Variants in AGBL1 observed in about 807,000 individuals in gnomAD.
AGBL1 encodes AGBL carboxypeptidase 1.
AGBL1 carries 130 observed loss-of-function variants against 118.9 expected under a neutral mutation model. The observed-to-expected ratio is 1.09, with a 90% CI of 0.95 to 1.26. The LOEUF (loss-of-function observed/expected upper bound fraction) is 1.26. Among genes scored for constraint, AGBL1 ranks in the 50% most tolerant of loss-of-function variants. The pLI, the probability that AGBL1 is intolerant of heterozygous loss-of-function variation, is 0.00. For missense variants in AGBL1, 1,584 were observed against 1,298.1 expected (o/e 1.22, Z -3.38); for synonymous variants, 555 against 478.9 (o/e 1.16, Z -2.08).
intron 18 of AGBL1, among the ~76,000 whole-genome samples, chr15:86,468,124 AC>A (rs1457654995): frequency 7.9e-5 from 12 of 152,100 alleles, no homozygotes; most frequent in African/African-American, 2.9e-4. Context: ...CAGATAGGGA[AC>A]TTCCTACCTG....
At chr15:86,323,574 A>G (rs891244435) in intron 17 of AGBL1, among the ~76,000 whole-genome samples, 1 of 152,214 alleles carries the variant, frequency 6.6e-6, no homozygotes, top group Non-Finnish European at 1.5e-5. Flanking sequence ...GACTAGAGAC[A>G]AGGGCATTGA....
chr15:86,170,942 A>C (rs1567102159), intron 5 of AGBL1, among the ~76,000 whole-genome samples: 1 of 152,272 alleles, frequency 6.6e-6, no homozygotes, highest in East Asian at 1.9e-4. Flanking sequence ...CATTATGTAC[A>C]CAGAAACAAA....
intron 24 of AGBL1, among the ~76,000 whole-genome samples, chr15:87,022,447 T>A (rs1476115528): frequency 1.3e-5 from 2 of 151,890 alleles, no homozygotes; most frequent in Non-Finnish European, 2.9e-5. Flanking sequence ...CTCCAAGAAG[T>A]CTGAGATTAT....
At chr15:86,660,072 G>A (rs192302955) in intron 21 of AGBL1, among the ~76,000 whole-genome samples, 26 of 151,770 alleles carry the variant, frequency 1.7e-4, no homozygotes, top group Non-Finnish European at 2.9e-4. Flanking sequence ...TATGAATTTA[G>A]CATATTCCCT....
chr15:86,415,055 G>T (rs1738276839), intron 18 of AGBL1, among the ~76,000 whole-genome samples: 2 of 152,294 alleles, frequency 1.3e-5, no homozygotes, highest in East Asian at 3.9e-4. Flanking sequence ...CAGTTGAATT[G>T]TGATGCATTT....
intron 21 of AGBL1, among the ~76,000 whole-genome samples, chr15:86,658,728 G>C (rs1468470611): frequency 1.3e-5 from 2 of 152,124 alleles, no homozygotes; most frequent in Non-Finnish European, 2.9e-5. Context: ...TCCTAGGCTG[G>C]TGGGTGTTTC....
chr15:86,957,593 A>G (rs1349941089), intron 23 of AGBL1, among the ~76,000 whole-genome samples: 1 of 152,120 alleles, frequency 6.6e-6, no homozygotes, highest in Non-Finnish European at 1.5e-5. Flanking sequence ...AATCAATTAC[A>G]TATAAAACAG....
At chr15:86,901,509 A>G (rs979144705) in intron 22 of AGBL1, among the ~76,000 whole-genome samples, 1 of 151,992 alleles carries the variant, frequency 6.6e-6, no homozygotes, top group Non-Finnish European at 1.5e-5. Flanking sequence ...TTTCTATTGC[A>G]CTATATTTTT....
At position 86,909,443 on chromosome 15, in the gene AGBL1, G is replaced by A. The variant is rs2080321422; in HGVS notation, c.*2149G>A. On this transcript the variant is annotated 3_prime_UTR_variant, in exon 23 of 23. Transcript: ENST00000614907. ...AAAACAGGATTAGCTCCAAGGCATA[G>A]AAGAAAGGCATCTGTGTTGTGATTT... The A allele has an allele frequency of 1.3e-5, 2 of 152,218 alleles. No homozygotes were observed. Among genetic ancestry groups the A allele is most frequent in the Non-Finnish European group, 2.9e-5 (2 of 68,036 alleles). The allele number at this position is 152,218 out of a possible 1,614,324, so 9.4% of individuals were successfully genotyped here.
intron 22 of AGBL1, among the ~76,000 whole-genome samples, chr15:86,824,913 T>C (rs7176636): frequency 0.014 from 2,070 of 151,962 alleles, 29 homozygotes; most frequent in Middle Eastern, 0.061. Context: ...CAAAAATAGC[T>C]GGGCGTGGTG....
At chr15:86,598,926 G>A (rs2084449743) in intron 21 of AGBL1, among the ~76,000 whole-genome samples, 1 of 152,076 alleles carries the variant, frequency 6.6e-6, no homozygotes, top group African/African-American at 2.4e-5. Flanking sequence ...GAAAGCAGTG[G>A]GCTACTGAAT....
chr15:86,193,826 C>A (rs2077758649), intron 5 of AGBL1, among the ~76,000 whole-genome samples: 2 of 152,184 alleles, frequency 1.3e-5, no homozygotes, highest in Admixed American at 1.3e-4. Context: ...TTTATTCTAA[C>A]CAACCTCTTG....
chr15:86,380,100 C>T (rs985372053), intron 17 of AGBL1, among the ~76,000 whole-genome samples: 5 of 151,754 alleles, frequency 3.3e-5, no homozygotes, highest in Non-Finnish European at 5.9e-5. Flanking sequence ...AATGACTTCC[C>T]GGGGACTTTT....
intron 18 of AGBL1, among the ~76,000 whole-genome samples, chr15:86,410,830 ATATATATATAT>A (rs1279137524): frequency 0.037 from 3,361 of 90,424 alleles, 290 homozygotes; most frequent in African/African-American, 0.084. Flanking sequence ...ATATATATAT[ATATATATATAT>A]AATATACTAT....
chr15:86,739,997 A>T (rs1032021569), intron 22 of AGBL1, among the ~76,000 whole-genome samples: 4 of 152,188 alleles, frequency 2.6e-5, no homozygotes, highest in Non-Finnish European at 4.4e-5. Flanking sequence ...AGCCTGATAC[A>T]TTTGCCTCCT....
chr15:86,559,615 C>T (rs545197904), intron 21 of AGBL1, among the ~76,000 whole-genome samples: 12 of 152,230 alleles, frequency 7.9e-5, no homozygotes, highest in African/African-American at 2.6e-4. Context: ...GTGCTAAGCC[C>T]TTTACATATC....
chr15:86,121,366 T>C (rs1290994464), intron 1 of AGBL1, among the ~76,000 whole-genome samples: 2 of 152,242 alleles, frequency 1.3e-5, no homozygotes, highest in Non-Finnish European at 1.5e-5. Flanking sequence ...TGGGTTATTT[T>C]TAAAATGAAT....
rs79330464 is a variant in AGBL1 at position 86,320,196 on chromosome 15, C to T, written c.2374+24788C>T. Among the ~76,000 whole-genome samples the T allele has an allele frequency of 2.8e-3, 432 of 152,016 alleles. 2 individuals carry two copies. The highest frequency in any genetic ancestry group is 0.01 in the African/African-American group (416 of 41,502). Reference sequence around the variant, plus strand: ...GATTTTATTGAAATGATATTCCTATCGGGAAAAAAGGACATTCCTATGATA... The same window carrying T: ...GATTTTATTGAAATGATATTCCTATTGGGAAAAAAGGACATTCCTATGATA... On this transcript the variant is annotated intron_variant, in intron 17 of 22. Coordinates refer to ENST00000614907, the MANE Select transcript of AGBL1 (RefSeq NM_001386094.1).
intron 5 of AGBL1, among the ~76,000 whole-genome samples, chr15:86,161,515 C>T (rs2077266931): frequency 6.6e-6 from 1 of 152,238 alleles, no homozygotes; most frequent in Non-Finnish European, 1.5e-5. Flanking sequence ...TAAGCCACCA[C>T]TGGCGTATCT....
Sources: gnomAD v4.1 joint callset for allele counts (sites outside exome capture counted in the v4.1 genomes callset) on GRCh38, gnomAD v4.1.1 for gene constraint, MANE v1.5 for transcripts, NCBI Gene and HGNC (gene_info 2026-07-23, HGNC 2026-07-21) for gene names.